The following PCDH15 variants were observed in gnomAD, a reference collection of about 807,000 sequenced individuals.
PCDH15 encodes the protein protocadherin related 15.
Under a neutral mutation model 178.5 loss-of-function variants are expected in PCDH15, and 129 were observed. The observed-to-expected ratio is 0.72, with a 90% CI of 0.63 to 0.84. The LOEUF (loss-of-function observed/expected upper bound fraction) is 0.84, where lower values mean the gene tolerates loss of function less well. Ranked by LOEUF, PCDH15 falls within the 40% of genes least tolerant of loss-of-function variation. The probability of loss-of-function intolerance (pLI) is 0.00; values close to 1 mark genes in which losing one functional copy is unlikely to be tolerated. For missense variants in PCDH15, 2,230 were observed against 2,099.9 expected (o/e 1.06, Z -1.21); for synonymous variants, 800 against 732.0 (o/e 1.09, Z -1.50).
intron 1 of PCDH15, among the ~76,000 whole-genome samples, chr10:54,759,644 T>C (rs1947611307): frequency 6.6e-6 from 1 of 152,206 alleles, no homozygotes; most frequent in African/African-American, 2.4e-5. Flanking sequence ...TTTAAAATTG[T>C]TATGAATAAG....
In PCDH15 at chr10:54,985,053, C is replaced by A. The variant is rs1839329400; in HGVS notation, c.-79-87553G>T. On this transcript the variant is annotated intron_variant, in intron 2 of 5. Transcript: ENST00000458638. ...CCTTTCCACCCTCCCAGGGCTTTGA[C>A]CAACATTATATGACCTATATGTTAG... Among the ~76,000 whole-genome samples, 8 of 152,124 alleles carry A rather than the reference C, an allele frequency of 5.3e-5. No individual in the cohort carries two copies. The South Asian group carries it at 1.7e-3, about 32-fold the overall frequency.
chr10:55,081,405 A>C (rs1158242691), intron 2 of PCDH15, among the ~76,000 whole-genome samples: 1 of 152,226 alleles, frequency 6.6e-6, no homozygotes, highest in Non-Finnish European at 1.5e-5. Context: ...ACCTAATTAC[A>C]TTCCAAGTGC....
intron 2 of PCDH15, among the ~76,000 whole-genome samples, chr10:54,589,818 G>A (rs1335548806): frequency 2.6e-5 from 4 of 151,968 alleles, no homozygotes; most frequent in Admixed American, 6.6e-5. Context: ...GGGTGATCTC[G>A]ATCTCCTGAC....
intron 3 of PCDH15, among the ~76,000 whole-genome samples, chr10:54,507,533 A>T (rs1458965011): frequency 6.6e-6 from 1 of 151,842 alleles, no homozygotes; most frequent in Admixed American, 6.6e-5. Context: ...CTCTGACAAC[A>T]CTTGCAGCTA....
chr10:54,075,947 T>G (rs1176204894), intron 17 of PCDH15, among the ~76,000 whole-genome samples: 1 of 152,138 alleles, frequency 6.6e-6, no homozygotes, highest in Non-Finnish European at 1.5e-5. Context: ...ATTTTAAAGA[T>G]AAGTTTTAGA....
chr10:54,913,753 CCCA>C (rs1954857894), intron 2 of PCDH15, among the ~76,000 whole-genome samples: 1 of 152,094 alleles, frequency 6.6e-6, no homozygotes, highest in Non-Finnish European at 1.5e-5. Context: ...TCCTTGGGAG[CCCA>C]CCCCTTGCAT....
intron 2 of PCDH15, among the ~76,000 whole-genome samples, chr10:55,411,344 T>C (rs1838326197): frequency 1.3e-5 from 2 of 152,124 alleles, no homozygotes; most frequent in South Asian, 4.1e-4. Flanking sequence ...TAATTTATAT[T>C]TACTATAATT....
intron 3 of PCDH15, among the ~76,000 whole-genome samples, chr10:54,417,465 T>C (rs1226137153): frequency 6.6e-6 from 1 of 152,146 alleles, no homozygotes; most frequent in Non-Finnish European, 1.5e-5. Flanking sequence ...CACATAGTCT[T>C]GGGTGCTGAA....
rs1441927630 is a variant in PCDH15, at chr10:54,281,114, A to G, written c.876+36157T>C. Among the ~76,000 whole-genome samples the G allele has an allele frequency of 2.0e-5, 3 of 152,048 alleles. No individual in the cohort carries two copies. In the East Asian group the frequency reaches 5.8e-4, roughly 29 times the overall value. On this transcript the variant is annotated intron_variant, in intron 8 of 37. Coordinates refer to ENST00000644397, the MANE Select transcript of PCDH15 (RefSeq NM_001384140.1). ...AATATGCCCCAAAACTTGATATGAA[A>G]TTAATTATACGAAGGAGTACAGCCT...
intron 3 of PCDH15, among the ~76,000 whole-genome samples, chr10:54,462,855 A>G (rs1450923511): frequency 6.6e-6 from 1 of 151,480 alleles, no homozygotes; most frequent in Non-Finnish European, 1.5e-5. Context: ...ATCTTGTTAT[A>G]TATCAACTGC....
rs1440080882 is a variant in PCDH15, at chr10:54,717,517, C to T, written c.-28-53227G>A. 5.5e-5 allele frequency among the ~76,000 whole-genome samples: 8 copies of T among 145,884 alleles called. 1 individual carries two copies. The highest frequency in any genetic ancestry group is 9.0e-5 in the Non-Finnish European group (6 of 66,618). ...CAAAAAACGCATGAAAAAATGCTCA[C>T]CATCACTGGCCATCAGAGAAATGCA... On this transcript the variant is annotated intron_variant, in intron 1 of 37. Transcript: ENST00000644397.
chr10:54,705,268 T>C (rs1315209452), intron 1 of PCDH15, among the ~76,000 whole-genome samples: 1 of 152,008 alleles, frequency 6.6e-6, no homozygotes, highest in African/African-American at 2.4e-5. Flanking sequence ...TGACACCTAA[T>C]TTACTTATAT....
At chr10:54,617,580 G>T (rs2093209224) in intron 2 of PCDH15, among the ~76,000 whole-genome samples, 2 of 151,696 alleles carry the variant, frequency 1.3e-5, no homozygotes, top group Non-Finnish European at 2.9e-5. Context: ...CAGCATTGAT[G>T]AATAGCATAG....
At chr10:53,967,273 A>G (rs1335597004) in intron 21 of PCDH15, among the ~76,000 whole-genome samples, 2 of 152,138 alleles carry the variant, frequency 1.3e-5, no homozygotes, top group Non-Finnish European at 2.9e-5. Context: ...CGCTTCCACC[A>G]TGACTGTAAG....
chr10:55,588,975 G>A (rs928605780), intron 2 of PCDH15, among the ~76,000 whole-genome samples: 1 of 151,434 alleles, frequency 6.6e-6, no homozygotes, highest in Non-Finnish European at 1.5e-5. Context: ...CAGCTACTCG[G>A]GAGGCTGAGG....
chr10:55,132,581 C>A (rs946012589), intron 2 of PCDH15, among the ~76,000 whole-genome samples: 3 of 151,962 alleles, frequency 2.0e-5, no homozygotes, highest in Non-Finnish European at 4.4e-5. Flanking sequence ...CAAATTTATA[C>A]CCCAATTTGA....
chr10:54,510,611 A>C (rs1289936731), intron 3 of PCDH15, among the ~76,000 whole-genome samples: 1 of 152,180 alleles, frequency 6.6e-6, no homozygotes, highest in Admixed American at 6.6e-5. Context: ...AAGGCTCTTC[A>C]GGAACAAAAT....
intron 8 of PCDH15, among the ~76,000 whole-genome samples, chr10:54,276,084 A>AT (rs1057038614): frequency 4.7e-5 from 7 of 148,846 alleles, no homozygotes; most frequent in African/African-American, 1.8e-4. Flanking sequence ...TGGTATTTAA[A>AT]TAAAAAAAAG....
chr10:54,195,639 G>A (rs776772995), intron 11 of PCDH15, 44 bp downstream of exon 11: 1 of 1,486,848 alleles, frequency 6.7e-7, no homozygotes. Context: ...ATGGAAATAT[G>A]AGATTTGTTA....
Sources: allele counts gnomAD v4.1 joint callset (sites outside exome capture counted in the v4.1 genomes callset), GRCh38; gene constraint gnomAD v4.1.1; transcripts MANE v1.5; gene names NCBI Gene and HGNC (gene_info 2026-07-23, HGNC 2026-07-21).